BMPR1A: variants seen among roughly 807,000 people sequenced by gnomAD.
The protein encoded by BMPR1A is bone morphogenetic protein receptor type 1A.
BMPR1A carries 7 observed loss-of-function variants against 66.0 expected under a neutral mutation model. The ratio of observed to expected loss-of-function variants is 0.11; its 90% CI spans 0.06 to 0.20. The LOEUF (loss-of-function observed/expected upper bound fraction) is 0.20, where lower values mean the gene tolerates loss of function less well. BMPR1A is among the 10% of genes least tolerant of loss of function. BMPR1A has a pLI of 1.00. For missense variants in BMPR1A, 408 were observed against 669.1 expected, an observed-to-expected ratio of 0.61 and a Z score of 4.31; for synonymous variants, 200 against 229.7, an observed-to-expected ratio of 0.87 and a Z score of 1.17.
chr10:86,771,258 A>G (rs1421086078), intron 1 of BMPR1A, among the ~76,000 whole-genome samples: 1 of 152,214 alleles, frequency 6.6e-6, no homozygotes, highest in African/African-American at 2.4e-5. Flanking sequence ...CACTAATTCA[A>G]TATTTTATTT....
At chr10:86,816,616 C>T (rs1039604365) in intron 1 of BMPR1A, among the ~76,000 whole-genome samples, 3 of 152,168 alleles carry the variant, frequency 2.0e-5, no homozygotes, top group African/African-American at 7.2e-5. Flanking sequence ...TGTCCTTTTT[C>T]CACTTGTTTG....
intron 1 of BMPR1A, among the ~76,000 whole-genome samples, chr10:86,766,555 C>T (rs1441430957): frequency 6.6e-6 from 1 of 151,722 alleles, no homozygotes; most frequent in Admixed American, 6.6e-5. Flanking sequence ...TCTTCGTAAC[C>T]ATTCATATTC....
chr10:86,784,177 C>T (rs977844747), intron 1 of BMPR1A, among the ~76,000 whole-genome samples: 1 of 151,952 alleles, frequency 6.6e-6, no homozygotes, highest in Non-Finnish European at 1.5e-5. Context: ...TAGTCTTGTT[C>T]CTGATCTTAG....
At chr10:86,772,134 T>G (rs1841274215) in intron 1 of BMPR1A, among the ~76,000 whole-genome samples, 1 of 144,954 alleles carries the variant, frequency 6.9e-6, no homozygotes, top group Non-Finnish European at 1.5e-5. Flanking sequence ...AGGTTTTTTT[T>G]TTTTTTTTTT....
chr10:86,778,772 C>G (rs1449257007), intron 1 of BMPR1A, among the ~76,000 whole-genome samples: 2 of 152,054 alleles, frequency 1.3e-5, no homozygotes, highest in African/African-American at 2.4e-5. Flanking sequence ...CCCTTCCTAT[C>G]CTCTGTTCTG....
At position 86,925,751 on chromosome 10, in the gene BMPR1A, C is replaced by T. The variant is rs989990440; in HGVS notation, c.*2032C>T. On this transcript the variant is annotated 3_prime_UTR_variant, in exon 13 of 13. Transcript: ENST00000372037. ...TTTTTTTTTTTTTGAGACGGAGTCT[C>T]GCTCTGTCGCCCAGGCTGGACTGCG... The T allele has an allele frequency of 3.3e-4, 24 of 72,976 alleles. No homozygotes were observed. In the South Asian group the frequency reaches 4.3e-3, roughly 13 times the overall value. The allele number at this position is 72,976 out of a possible 1,614,324, so 4.5% of individuals were successfully genotyped here.
At chr10:86,863,514 T>G (rs1842740477) in intron 2 of BMPR1A, among the ~76,000 whole-genome samples, 1 of 152,222 alleles carries the variant, frequency 6.6e-6, no homozygotes, top group Non-Finnish European at 1.5e-5. Context: ...ATGGAATTTA[T>G]TGGCTCTTAA....
At chr10:86,790,186 AAAATATATATATATATATATATAT>A (rs1841588268) in intron 1 of BMPR1A, among the ~76,000 whole-genome samples, 1 of 31,314 alleles carries the variant, frequency 3.2e-5, no homozygotes, top group Admixed American at 5.2e-4. Flanking sequence ...AAAAAAAAAA[AAAATATATATATATATATATATAT>A]ATATATATAT....
intron 1 of BMPR1A, among the ~76,000 whole-genome samples, chr10:86,817,111 C>G (rs1401670838): frequency 6.6e-6 from 1 of 152,088 alleles, no homozygotes; most frequent in Admixed American, 6.5e-5. Context: ...TCATTTTAAC[C>G]ATTTTTAAGT....
chr10:86,778,343 C>T (rs1028340436), intron 1 of BMPR1A, among the ~76,000 whole-genome samples: 1 of 151,338 alleles, frequency 6.6e-6, no homozygotes, highest in African/African-American at 2.4e-5. Flanking sequence ...GGGGTCTCAC[C>T]ATGTTGTCCA....
chr10:86,903,265 A>G (rs1489418434), intron 7 of BMPR1A, among the ~76,000 whole-genome samples: 1 of 152,250 alleles, frequency 6.6e-6, no homozygotes, highest in East Asian at 1.9e-4. Flanking sequence ...AGACCTTAGA[A>G]TTAGCAATTA....
At chr10:86,835,529 T>G (rs1842330282) in intron 1 of BMPR1A, among the ~76,000 whole-genome samples, 2 of 94,312 alleles carry the variant, frequency 2.1e-5, no homozygotes, top group African/African-American at 4.2e-5. Context: ...CCAGCCTGGG[T>G]GACAAGCAAG....
intron 1 of BMPR1A, among the ~76,000 whole-genome samples, chr10:86,825,717 T>C (rs1842184104): frequency 6.6e-6 from 1 of 152,150 alleles, no homozygotes. Context: ...GCTGAAGTGA[T>C]CCTCCTGCTT....
intron 1 of BMPR1A, 109 bp downstream of exon 1, chr10:86,757,028 G>A (rs1324408367): frequency 2.0e-5 from 3 of 150,834 alleles, no homozygotes; most frequent in African/African-American, 7.3e-5. Context: ...CCGGAGCCAG[G>A]GGCTGCCCGG....
At chr10:86,819,598 C>T (rs1432778992) in intron 1 of BMPR1A, among the ~76,000 whole-genome samples, 1 of 152,202 alleles carries the variant, frequency 6.6e-6, no homozygotes, top group East Asian at 1.9e-4. Flanking sequence ...CGTGCCCGGC[C>T]ACAACTTGAA....
intron 7 of BMPR1A, among the ~76,000 whole-genome samples, chr10:86,909,449 T>G (rs1243913149): frequency 6.6e-6 from 1 of 151,772 alleles, no homozygotes; most frequent in East Asian, 1.9e-4. Flanking sequence ...AAAATTAGCC[T>G]GGTATGGTGG....
chr10:86,927,766 A>G lies in BMPR1A; in HGVS notation c.*4047A>G. The stretch of plus-strand genomic sequence containing the variant: ...AGGGGAAACTGTACATAGGCATTGA[A>G]AGAAGGGTAAAAGCAAGCAGTTTTA... On this transcript the variant is annotated 3_prime_UTR_variant, in exon 13 of 13. Coordinates refer to ENST00000372037, the MANE Select transcript of BMPR1A (RefSeq NM_004329.3). 2 of 198,544 alleles carry G rather than the reference A, an allele frequency of 1.0e-5. No individual in the cohort carries two copies. The highest frequency in any genetic ancestry group is 2.1e-5 in the Non-Finnish European group (2 of 96,236). The allele number at this position is 198,544 out of a possible 1,614,324, so 12.3% of individuals were successfully genotyped here. A position where few individuals can be genotyped will look rare whatever the true frequency, so the allele number is the denominator to read the frequency against.
At chr10:86,823,533 A>G (rs1167954337) in intron 1 of BMPR1A, among the ~76,000 whole-genome samples, 1 of 152,254 alleles carries the variant, frequency 6.6e-6, no homozygotes, top group Non-Finnish European at 1.5e-5. Flanking sequence ...AGAATGGTAG[A>G]TGCATTTCAA....
intron 1 of BMPR1A, among the ~76,000 whole-genome samples, chr10:86,773,925 A>G (rs1268160426): frequency 6.7e-6 from 1 of 148,596 alleles, no homozygotes; most frequent in Non-Finnish European, 1.5e-5. Flanking sequence ...ATCTCGGCTC[A>G]CTGCAACCTG....
Sources: allele counts gnomAD v4.1 joint callset (sites outside exome capture counted in the v4.1 genomes callset), GRCh38; gene constraint gnomAD v4.1.1; transcripts MANE v1.5; gene names NCBI Gene and HGNC (gene_info 2026-07-23, HGNC 2026-07-21).